The following RELCH variants were observed in gnomAD, a reference collection of about 807,000 sequenced individuals.
RELCH encodes RAB11 binding and LisH domain, coiled-coil and HEAT repeat containing.
In RELCH, 41 loss-of-function variants were observed where a neutral mutation model predicts 150.3. The ratio of observed to expected loss-of-function variants is 0.27; its 90% CI spans 0.21 to 0.35. The LOEUF (loss-of-function observed/expected upper bound fraction) is 0.35, where lower values mean the gene tolerates loss of function less well. RELCH is among the 10% of genes least tolerant of loss of function. The probability of loss-of-function intolerance (pLI) is 1.00; values close to 1 mark genes in which losing one functional copy is unlikely to be tolerated. For synonymous variants in RELCH, 478 were observed against 531.8 expected, an observed-to-expected ratio of 0.90 and a Z score of 1.39; for missense variants, 1,092 against 1,467.8, an observed-to-expected ratio of 0.74 and a Z score of 4.18.
In RELCH at chr18:62,228,325, A is replaced by C; in HGVS notation, c.1175A>C (p.Asn392Thr). 6.2e-7 allele frequency: 1 copy of C among 1,611,542 alleles called. No individual in the cohort carries two copies. Among genetic ancestry groups the C allele is most frequent in the Non-Finnish European group, 8.5e-7 (1 of 1,178,936 alleles). The change falls in exon 8 of 29, where the codon AAT becomes ACT. Residue 392 changes from asparagine (N) to threonine (T), a missense_variant. Asn to Thr is a moderately conservative substitution (Grantham distance 65). This residue lies in a region of RELCH where 707 missense variants were observed against 1,025.4 expected (regional missense o/e 0.69). Transcript: ENST00000644646. The stretch of plus-strand genomic sequence containing the variant: ...TACAGTGAAATGGACTTCCTCAAAA[A>C]TGAACACTTTGCCATCCCAGCAGTT... ...RLKSEMDFLK[N>T]EHFAIPAVCD... is the part of the protein sequence containing the mutation.
Position 62,298,790 on chromosome 18 carries a change from G to A in RELCH, c.3460G>A (p.Val1154Ile). ...DMEHLSPEHE[V>I]ILSSMIKECE... ...CACTAAGGTAAATTTTTTTAATCAG[G>A]TTATTTTAAGTTCCATGATAAAAGA... is the stretch of plus-strand genomic sequence containing the variant. The change falls in exon 28 of 29, where the codon GTT (valine) becomes ATT (isoleucine). Residue 1154 changes from valine to isoleucine, a missense_variant and splice_region_variant. Coordinates refer to ENST00000644646, the MANE Select transcript of RELCH (RefSeq NM_001346231.2). 6.6e-7 allele frequency: 1 copy of A among 1,506,212 alleles called. No homozygotes were observed. The highest frequency in any genetic ancestry group is 9.2e-7 in the Non-Finnish European group (1 of 1,086,346). 93.3% of individuals were successfully genotyped at this position (1,506,212 alleles called of 1,614,324 possible).
chr18:62,231,021 T>C (rs1355802229), intron 8 of RELCH, among the ~76,000 whole-genome samples, 173 bp from the exon 9 acceptor site: 1 of 152,020 alleles, frequency 6.6e-6, no homozygotes, highest in Non-Finnish European at 1.5e-5. Flanking sequence ...AAGTGACCTG[T>C]ATAAGTTTCT....
At chr18:62,197,037 T>G (rs1004190643) in intron 1 of RELCH, among the ~76,000 whole-genome samples, 11 of 152,204 alleles carry the variant, frequency 7.2e-5, no homozygotes, top group African/African-American at 2.7e-4. Flanking sequence ...TATTTGGCTA[T>G]ATTTAGACTC....
At chr18:62,280,402 G>T in intron 23 of RELCH, 2 of 1,614,036 alleles carry the variant, frequency 1.2e-6, no homozygotes, top group Non-Finnish European at 1.7e-6. Flanking sequence ...TGACAAGCGG[G>T]TTGCTCCGGC....
At chr18:62,295,306 C>T (rs182738265) in intron 27 of RELCH, among the ~76,000 whole-genome samples, 1 of 150,044 alleles carries the variant, frequency 6.7e-6, no homozygotes, top group Non-Finnish European at 1.5e-5. Flanking sequence ...GCCACCATCC[C>T]CAGCCTGGTG....
At chr18:62,246,566 G>T (rs1279958473) in intron 11 of RELCH, 2 of 152,184 alleles carry the variant, frequency 1.3e-5, no homozygotes, top group Non-Finnish European at 2.9e-5. Context: ...ACAGTTAACA[G>T]TCAGCCATTT....
At chr18:62,275,314 G>A (rs2044139713) in intron 21 of RELCH, 60 bp from the exon 22 acceptor site, 1 of 775,652 alleles carries the variant, frequency 1.3e-6, no homozygotes, top group Non-Finnish European at 2.0e-6. Flanking sequence ...GTGTTTTTCA[G>A]TTCACTAGTA....
intron 12 of RELCH, 135 bp downstream of exon 12, chr18:62,252,889 T>A: frequency 1.5e-6 from 1 of 664,590 alleles, no homozygotes; most frequent in Non-Finnish European, 2.6e-6. Flanking sequence ...CCCAGCACAG[T>A]GATTTATTAG....
intron 1 of RELCH, among the ~76,000 whole-genome samples, chr18:62,206,808 C>A (rs991766138): frequency 1.3e-5 from 2 of 148,714 alleles, no homozygotes; most frequent in East Asian, 4.0e-4. Context: ...ACCACCCCCT[C>A]TCCCCGCCCC....
At chr18:62,275,194 C>T (rs1159085263) in intron 21 of RELCH, among the ~76,000 whole-genome samples, 180 bp from the exon 22 acceptor site, 4 of 152,182 alleles carry the variant, frequency 2.6e-5, no homozygotes, top group Admixed American at 2.6e-4. Context: ...GGATTACAGG[C>T]GTGAGCCACT....
intron 1 of RELCH, among the ~76,000 whole-genome samples, chr18:62,208,142 ATTTCCC>A (rs1450493650): frequency 6.6e-6 from 1 of 152,104 alleles, no homozygotes; most frequent in African/African-American, 2.4e-5. Context: ...AATGAATATC[ATTTCCC>A]TTTTGAGCAT....
rs1311964289 is a variant in RELCH at position 62,228,360 on chromosome 18, G to T, written c.1210G>T (p.Val404Phe). Residue 404 changes from valine (V) to phenylalanine (F), a missense_variant, in exon 8 of 29, where the codon GTT becomes TTT. Physicochemically the swap from Val to Phe is conservative, Grantham distance 50. Around this residue, in one of 4 missense-constraint regions of RELCH, gnomAD observed 707 missense variants for 1,025.4 expected, o/e 0.69. Transcript: ENST00000644646. ...HFAIPAVCDS[V>F]QPPLDQLPHK... The stretch of plus-strand genomic sequence containing the variant: ...TGCCATCCCAGCAGTTTGTGACTCT[G>T]TTCAGCCTCCTTTGGATCAGTTGCC... The T allele has an allele frequency of 6.2e-7, 1 of 1,613,190 alleles. No homozygotes were observed. The highest frequency in any genetic ancestry group is 8.5e-7 in the Non-Finnish European group (1 of 1,179,524).
chr18:62,253,267 TTGTGTGTGTG>T (rs68067609), intron 12 of RELCH, among the ~76,000 whole-genome samples: 7,954 of 136,492 alleles, frequency 0.058, 722 homozygotes, highest in African/African-American at 0.2. Context: ...AGCAAGAAGA[TTGTGTGTGTG>T]TGTGTGTGTG....
At chr18:62,207,607 G>C (rs2039889217) in intron 1 of RELCH, among the ~76,000 whole-genome samples, 1 of 152,192 alleles carries the variant, frequency 6.6e-6, no homozygotes, top group Non-Finnish European at 1.5e-5. Flanking sequence ...CCACCAGCTA[G>C]ATGTAAGGAT....
At chr18:62,201,043 G>A (rs79110867) in intron 1 of RELCH, among the ~76,000 whole-genome samples, 40,531 of 141,058 alleles carry the variant, frequency 0.29, 6,790 homozygotes, top group East Asian at 0.6. Flanking sequence ...GCGCGATCTC[G>A]GCTTACTGCA....
chr18:62,295,427 C>CT (rs201474286), intron 27 of RELCH, among the ~76,000 whole-genome samples: 6 of 147,514 alleles, frequency 4.1e-5, no homozygotes, highest in East Asian at 2.0e-4. Flanking sequence ...TTCCCTACTG[C>CT]TTTTTTTTTC....
chr18:62,280,347 G>A (rs2044442440), intron 23 of RELCH: 2 of 1,612,014 alleles, frequency 1.2e-6, no homozygotes, highest in South Asian at 2.2e-5. Context: ...ATTGCATGTT[G>A]ACTGGTTTAC....
intron 2 of RELCH, among the ~76,000 whole-genome samples, chr18:62,220,451 G>A (rs1291731507): frequency 1.3e-5 from 2 of 149,930 alleles, no homozygotes; most frequent in Non-Finnish European, 3.0e-5. Context: ...AAATGTATAG[G>A]CATCACGACA....
At chr18:62,192,316 A>C (rs190505361) in intron 1 of RELCH, among the ~76,000 whole-genome samples, 20 of 152,326 alleles carry the variant, frequency 1.3e-4, no homozygotes, top group African/African-American at 4.6e-4. Context: ...ATAGGTTGCA[A>C]ACATTTTCTC....
Sources: gnomAD v4.1 joint callset for allele counts (sites outside exome capture counted in the v4.1 genomes callset) on GRCh38, gnomAD v4.1.1 for gene constraint, gnomAD v4.1.1 regional missense constraint, MANE v1.5 for transcripts, NCBI Gene and HGNC (gene_info 2026-07-23, HGNC 2026-07-21) for gene names.